PIN4: variants seen among roughly 807,000 people sequenced by gnomAD.
PIN4 encodes peptidylprolyl cis/trans isomerase, NIMA-interacting 4, also known as peptidyl-prolyl cis-trans isomerase NIMA-interacting 4.
A neutral mutation model predicts 8.3 loss-of-function variants in PIN4; 3 were observed. That is an observed-to-expected ratio of 0.36 (90% CI 0.16 to 0.93). The LOEUF (loss-of-function observed/expected upper bound fraction) is 0.93, where lower values mean the gene tolerates loss of function less well. Among genes scored for constraint, PIN4 ranks in the 40% least tolerant of loss-of-function variants. PIN4 has a pLI of 0.44. For synonymous variants in PIN4, 18 were observed against 32.5 expected, an observed-to-expected ratio of 0.55 and a Z score of 1.52; for missense variants, 75 against 100.6, an observed-to-expected ratio of 0.75 and a Z score of 1.09.
At position 72,234,242 on chromosome X, in the gene PIN4, A is replaced by G. The variant is rs139893184; in HGVS notation, c.313-28465A>G. Among the ~76,000 whole-genome samples, 371 of 112,810 alleles carry G rather than the reference A, an allele frequency of 3.3e-3. 1 individual carries two copies. Among genetic ancestry groups the G allele is most frequent in the African/African-American group, 0.011 (352 of 31,091 alleles). ...ATCAACAGAATCTGAAGCAGCAGTC[A>G]GTGAAGTAAGAAGAAAATCCGGAGA... On this transcript the variant is annotated intron_variant, in intron 3 of 3. Transcript: ENST00000423432.
intron 3 of PIN4, among the ~76,000 whole-genome samples, chrX:72,203,850 A>G (rs1435007557): frequency 8.9e-6 from 1 of 112,066 alleles, no homozygotes; most frequent in Non-Finnish European, 1.9e-5. Context: ...AGGATAGTCC[A>G]CTTCTCTGGT....
rs147328766 is a variant in PIN4, at chrX:72,206,876, C to T, written c.312+9972C>T. 10 of 1,211,250 alleles carry T rather than the reference C, an allele frequency of 8.3e-6. No individual in the cohort carries two copies. In the South Asian group the frequency reaches 8.8e-5, roughly 11 times the overall value. ...TGGGTTACAGAGTTCTGAAGATCCT[C>T]GATTGTAAAGAGCTCTCTTAATTCT... On this transcript the variant is annotated intron_variant, in intron 3 of 3. Transcript: ENST00000423432.
At chrX:72,251,035 C>T (rs1233899239) in intron 3 of PIN4, among the ~76,000 whole-genome samples, 8 of 106,002 alleles carry the variant, frequency 7.5e-5, no homozygotes, top group Non-Finnish European at 1.4e-4. Context: ...CCACCACGCC[C>T]GGCCTGGTAC....
intron 3 of PIN4, among the ~76,000 whole-genome samples, chrX:72,260,030 C>T (rs751260580): frequency 1.4e-4 from 15 of 109,501 alleles, no homozygotes; most frequent in Non-Finnish European, 2.3e-4. Context: ...GAAGCCACCG[C>T]GCCTGGCCCA....
chrX:72,206,424 G>A, intron 3 of PIN4: 1 of 1,209,827 alleles, frequency 8.3e-7, no homozygotes, highest in South Asian at 1.8e-5. Flanking sequence ...CACCCTCTTT[G>A]GGCAGATCAT....
intron 3 of PIN4, chrX:72,205,419 G>A: frequency 8.3e-7 from 1 of 1,211,754 alleles, no homozygotes; most frequent in Admixed American, 2.2e-5. Context: ...CTTCACTGCT[G>A]TCGTCAAGTC....
At chrX:72,221,574 A>G (rs2302) in intron 3 of PIN4, among the ~76,000 whole-genome samples, 46,614 of 109,967 alleles carry the variant, frequency 0.42, 8,922 homozygotes, top group East Asian at 0.98. Flanking sequence ...AACCTCACCA[A>G]ACTTGGCTTA....
intron 3 of PIN4, chrX:72,237,931 G>A (rs2043027012): frequency 9.0e-6 from 1 of 111,438 alleles, no homozygotes; most frequent in African/African-American, 3.3e-5. Flanking sequence ...ATTCCAGTCT[G>A]GGCGACACAG....
chrX:72,208,236 A>G (rs765699023), intron 3 of PIN4: 4 of 1,211,908 alleles, frequency 3.3e-6, no homozygotes, highest in Non-Finnish European at 1.1e-6. Flanking sequence ...TGCTAGGACC[A>G]TGAAAGGTTT....
At chrX:72,259,158 C>T (rs903562115) in intron 3 of PIN4, among the ~76,000 whole-genome samples, 1 of 109,930 alleles carries the variant, frequency 9.1e-6, no homozygotes, top group Non-Finnish European at 1.9e-5. Flanking sequence ...GAAACTGTAA[C>T]TGGAAACAAC....
intron 3 of PIN4, among the ~76,000 whole-genome samples, chrX:72,248,543 C>T (rs1470323366): frequency 1.8e-5 from 2 of 111,434 alleles, no homozygotes; most frequent in Admixed American, 9.6e-5. Flanking sequence ...AACCCTCTCT[C>T]CTAAAATCCC....
chrX:72,188,353 A>C (rs138797688), intron 2 of PIN4, among the ~76,000 whole-genome samples: 2,870 of 110,937 alleles, frequency 0.026, 99 homozygotes, highest in African/African-American at 0.087. Flanking sequence ...GGCTTTAGCT[A>C]CTTTTTTTTA....
At chrX:72,194,355 C>T (rs906152468) in intron 2 of PIN4, among the ~76,000 whole-genome samples, 1 of 111,581 alleles carries the variant, frequency 9.0e-6, no homozygotes, top group Admixed American at 9.5e-5. Flanking sequence ...ACCAACATGG[C>T]GAAACCATCT....
chrX:72,207,375 GA>G (rs1480930565), intron 3 of PIN4: 1 of 1,209,315 alleles, frequency 8.3e-7, no homozygotes, highest in Non-Finnish European at 1.1e-6. Context: ...GGTCCATTAG[GA>G]ATATCATTTT....
In PIN4 at chrX:72,186,634, C is replaced by G. The variant is rs930944962; in HGVS notation, c.117+100C>G. On this transcript the variant is annotated intron_variant, in intron 2 of 3. Transcript: ENST00000373669. ...TGCTTAACTCATTCTAACAGGCTAG[C>G]CTAACACTGGTATAAAATCAAAATA... 2.2e-5 allele frequency: 12 copies of G among 556,537 alleles called. No individual in the cohort carries two copies. The African/African-American group carries it at 2.8e-4, about 13-fold the overall frequency. 45.9% of individuals were successfully genotyped at this position (556,537 alleles called of 1,213,427 possible). A position where few individuals can be genotyped will look rare whatever the true frequency, so the allele number is the denominator to read the frequency against.
intron 3 of PIN4, chrX:72,239,196 T>C (rs2043037139): frequency 3.0e-6 from 1 of 338,700 alleles, no homozygotes; most frequent in Non-Finnish European, 5.3e-6. Context: ...ACACGGAGTG[T>C]GCTGCCTCAG....
intron 3 of PIN4, 54 bp downstream of exon 3, chrX:72,196,958 A>T (rs2042769804): frequency 1.0e-6 from 1 of 998,871 alleles, no homozygotes; most frequent in Non-Finnish European, 1.3e-6. Context: ...AGCAAAGTAA[A>T]AATGACAAAT....
chrX:72,191,544 C>A (rs1438659231), intron 2 of PIN4, among the ~76,000 whole-genome samples: 1 of 97,145 alleles, frequency 1.0e-5, no homozygotes, highest in Non-Finnish European at 2.1e-5. Context: ...GAGTGAGACT[C>A]CATCTCAAAA....
intron 2 of PIN4, among the ~76,000 whole-genome samples, chrX:72,189,275 T>C (rs1010327959): frequency 1.8e-5 from 2 of 111,732 alleles, no homozygotes; most frequent in Non-Finnish European, 3.8e-5. Flanking sequence ...ATATTGACAT[T>C]GATGTAGTCA....
Sources: gnomAD v4.1 joint callset for allele counts (sites outside exome capture counted in the v4.1 genomes callset) on GRCh38, gnomAD v4.1.1 for gene constraint, MANE v1.5 for transcripts, NCBI Gene and HGNC (gene_info 2026-07-23, HGNC 2026-07-21) for gene names.